Variants in SLC2A13 observed in about 807,000 individuals in gnomAD.
SLC2A13 encodes solute carrier family 2 member 13, also known as proton myo-inositol cotransporter.
A neutral mutation model predicts 64.4 loss-of-function variants in SLC2A13; 32 were observed. The ratio of observed to expected loss-of-function variants is 0.50; its 90% CI spans 0.37 to 0.67. The LOEUF (loss-of-function observed/expected upper bound fraction) is 0.67. Among genes scored for constraint, SLC2A13 ranks in the 30% least tolerant of loss-of-function variants. The pLI, the probability that SLC2A13 is intolerant of heterozygous loss-of-function variation, is 0.00. For synonymous variants in SLC2A13, 338 were observed against 327.1 expected, an observed-to-expected ratio of 1.03 and a Z score of -0.36; for missense variants, 743 against 829.2, an observed-to-expected ratio of 0.90 and a Z score of 1.28.
At position 39,864,821 on chromosome 12, in the gene SLC2A13, T is replaced by C; in HGVS notation, c.1260A>G (p.Pro420=). The stretch of plus-strand genomic sequence containing the variant: ...GAGCTATTGGCTTAAAAGTGATGCG[T>C]GGGGAAACTTGGGCTGATAGCACAA... The part of the protein sequence containing the change: ...LGFVLSAQVS[P]RITFKPIAPS... The change falls in exon 6 of 10, where the codon CCA becomes CCG. Residue 420 remains proline, a synonymous_variant. Coordinates refer to ENST00000280871, the MANE Select transcript of SLC2A13 (RefSeq NM_052885.4). 6.2e-7 allele frequency: 1 copy of C among 1,613,958 alleles called. No homozygotes were observed. Among genetic ancestry groups the C allele is most frequent in the Non-Finnish European group, 8.5e-7 (1 of 1,179,942 alleles).
chr12:39,779,393 C>T (rs1003496231), intron 7 of SLC2A13, among the ~76,000 whole-genome samples: 1 of 152,118 alleles, frequency 6.6e-6, no homozygotes, highest in South Asian at 2.1e-4. Flanking sequence ...TGCCTGAATT[C>T]TTCTATTTCC....
chr12:40,044,296 T>C (rs904173126), intron 2 of SLC2A13, among the ~76,000 whole-genome samples: 19 of 152,120 alleles, frequency 1.2e-4, no homozygotes, highest in African/African-American at 4.6e-4. Flanking sequence ...AGATTAATGG[T>C]TGCCTAAATG....
At chr12:40,071,279 G>C (rs746724012) in intron 1 of SLC2A13, among the ~76,000 whole-genome samples, 1 of 152,020 alleles carries the variant, frequency 6.6e-6, no homozygotes, top group African/African-American at 2.4e-5. Flanking sequence ...ACCCAGGCTG[G>C]TCTCGAAATT....
intron 3 of SLC2A13, 107 bp from the exon 4 acceptor site, chr12:39,951,472 AC>A (rs1207914395): frequency 1.4e-5 from 10 of 736,424 alleles, no homozygotes; most frequent in Non-Finnish European, 2.1e-5. Context: ...AATCAACATG[AC>A]TGGGCATTTT....
chr12:39,837,775 T>C (rs1158318903), intron 6 of SLC2A13, among the ~76,000 whole-genome samples: 1 of 151,982 alleles, frequency 6.6e-6, no homozygotes, highest in East Asian at 1.9e-4. Flanking sequence ...GAAATGCAAA[T>C]CAAAACCACT....
chr12:39,812,357 CT>C, intron 7 of SLC2A13, among the ~76,000 whole-genome samples: 4 of 140,390 alleles, frequency 2.8e-5, no homozygotes, highest in Non-Finnish European at 6.1e-5. Flanking sequence ...CTTTTCTTTT[CT>C]TTTCTTTTCT....
chr12:40,021,731 G>C (rs1365859314), intron 3 of SLC2A13, among the ~76,000 whole-genome samples: 1 of 152,134 alleles, frequency 6.6e-6, no homozygotes, highest in African/African-American at 2.4e-5. Context: ...AGATAACACT[G>C]TAGTACTACC....
chr12:39,911,587 T>C (rs925901212), intron 4 of SLC2A13, among the ~76,000 whole-genome samples: 4 of 152,130 alleles, frequency 2.6e-5, no homozygotes, highest in African/African-American at 9.7e-5. Flanking sequence ...TTGCTTTCAA[T>C]GTAAGTACAG....
intron 1 of SLC2A13, among the ~76,000 whole-genome samples, chr12:40,056,471 C>T (rs539771241): frequency 6.6e-6 from 1 of 152,280 alleles, no homozygotes; most frequent in East Asian, 1.9e-4. Context: ...AAGCAGTATG[C>T]ATTTCCACCT....
Position 39,755,224 on chromosome 12 carries a change from A to G in SLC2A13, c.*4802T>C, listed in dbSNP as rs1939945223. ...TACAGCATAGGCTAGGATGACTTTG[A>G]AGGAAATGGTACATATTCATAATTT... On this transcript the variant is annotated 3_prime_UTR_variant, in exon 10 of 10. Transcript: ENST00000280871. 1.3e-5 allele frequency: 2 copies of G among 152,264 alleles called. No individual in the cohort carries two copies. Among genetic ancestry groups the G allele is most frequent in the African/African-American group, 4.8e-5 (2 of 41,560 alleles). 9.4% of individuals were successfully genotyped at this position (152,264 alleles called of 1,614,324 possible). A position where few individuals can be genotyped will look rare whatever the true frequency, so the allele number is the denominator to read the frequency against.
intron 4 of SLC2A13, among the ~76,000 whole-genome samples, chr12:39,907,016 T>C (rs921371943): frequency 1.3e-5 from 2 of 152,186 alleles, no homozygotes; most frequent in Admixed American, 6.6e-5. Context: ...TAGTGAGTTA[T>C]TTATTAGAAG....
chr12:39,838,473 C>A (rs1943083657), intron 6 of SLC2A13, among the ~76,000 whole-genome samples: 2 of 143,744 alleles, frequency 1.4e-5, no homozygotes, highest in Non-Finnish European at 1.5e-5. Context: ...CACATGTACC[C>A]TAAAACTTAA....
chr12:39,788,971 T>G (rs1941282854), intron 7 of SLC2A13, among the ~76,000 whole-genome samples: 1 of 152,106 alleles, frequency 6.6e-6, no homozygotes, highest in Non-Finnish European at 1.5e-5. Flanking sequence ...GCAAACAAAA[T>G]CGGATTGATG....
At chr12:39,869,322 A>G (rs1336998772) in intron 5 of SLC2A13, among the ~76,000 whole-genome samples, 1 of 152,176 alleles carries the variant, frequency 6.6e-6, no homozygotes, top group Non-Finnish European at 1.5e-5. Flanking sequence ...AGTAGGACCT[A>G]TTTAATCACT....
intron 4 of SLC2A13, among the ~76,000 whole-genome samples, chr12:39,919,252 A>G (rs537027225): frequency 6.6e-6 from 1 of 152,140 alleles, no homozygotes; most frequent in Non-Finnish European, 1.5e-5. Context: ...GTAGCATGAA[A>G]GAATATAAAC....
At chr12:39,895,907 TATATGTATGC>T (rs1944799644) in intron 4 of SLC2A13, among the ~76,000 whole-genome samples, 1 of 150,166 alleles carries the variant, frequency 6.7e-6, no homozygotes, top group Non-Finnish European at 1.5e-5. Flanking sequence ...CACACATATG[TATATGTATGC>T]ATATATGTGT....
chr12:39,830,256 G>A (rs1404602007), intron 6 of SLC2A13, 28 bp from the exon 7 acceptor site: 1 of 1,605,526 alleles, frequency 6.2e-7, no homozygotes. Flanking sequence ...TTACCGTCAT[G>A]TTGGCAGAGA....
At chr12:39,771,346 G>A (rs1038818867) in intron 7 of SLC2A13, among the ~76,000 whole-genome samples, 1 of 152,186 alleles carries the variant, frequency 6.6e-6, no homozygotes, top group South Asian at 2.1e-4. Context: ...GTGCTGTTGA[G>A]CTGAAGTCTC....
At chr12:39,985,882 T>C (rs895290142) in intron 3 of SLC2A13, among the ~76,000 whole-genome samples, 1 of 152,164 alleles carries the variant, frequency 6.6e-6, no homozygotes, top group Non-Finnish European at 1.5e-5. Context: ...GAATTTGTCT[T>C]AGTCCATTTC....
Sources: allele counts gnomAD v4.1 joint callset (sites outside exome capture counted in the v4.1 genomes callset), GRCh38; gene constraint gnomAD v4.1.1; transcripts MANE v1.5; gene names NCBI Gene and HGNC (gene_info 2026-07-23, HGNC 2026-07-21).